Variants in SLFN12L observed in about 807,000 individuals in gnomAD.
SLFN12L encodes the protein schlafen family member 12-like.
A neutral mutation model predicts 34.8 loss-of-function variants in SLFN12L; 34 were observed. The ratio of observed to expected loss-of-function variants is 0.98; its 90% confidence interval spans 0.74 to 1.30. SLFN12L has a LOEUF of 1.30. Among genes scored for constraint, SLFN12L ranks in the 50% most tolerant of loss-of-function variants. The pLI, the probability that SLFN12L is intolerant of heterozygous loss-of-function variation, is 0.00. For synonymous variants in SLFN12L, 259 were observed against 247.5 expected (o/e 1.05, Z -0.44); for missense variants, 703 against 696.2 (o/e 1.01, Z -0.11).
chr17:35,529,968 A>G (rs890881356), intron 1 of SLFN12L, among the ~76,000 whole-genome samples: 3 of 151,938 alleles, frequency 2.0e-5, no homozygotes, highest in Non-Finnish European at 4.4e-5. Context: ...AAGAGATGGA[A>G]GCTCAGAAAC....
chr17:35,487,476 C>CA (rs1220527993), intron 2 of SLFN12L, among the ~76,000 whole-genome samples: 1 of 152,070 alleles, frequency 6.6e-6, no homozygotes, highest in East Asian at 1.9e-4. Flanking sequence ...GGACCACCCC[C>CA]CCCGGACCCC....
At position 35,487,598 on chromosome 17, in the gene SLFN12L, T is replaced by C. The variant is rs554093640; in HGVS notation, c.87-7403A>G. On this transcript the variant is annotated intron_variant, in intron 2 of 4. Coordinates refer to ENST00000628453, the MANE Select transcript of SLFN12L (RefSeq NM_001363830.2). ...CAGGCGCTGTGCCAGCGCGGGCCCT[T>C]AAGCAACTGAAAGTTAAACGCCCAC... 8 of 968,730 alleles carry C rather than the reference T, an allele frequency of 8.3e-6. No homozygotes were observed. In the African/African-American group the frequency reaches 1.2e-4, roughly 14 times the overall value. 60.0% of individuals were successfully genotyped at this position (968,730 alleles called of 1,614,324 possible).
At position 35,487,726 on chromosome 17, in the gene SLFN12L, C is replaced by T. The variant is rs981281869; in HGVS notation, c.87-7531G>A. On this transcript the variant is annotated intron_variant, in intron 2 of 4. Coordinates refer to ENST00000628453, the MANE Select transcript of SLFN12L (RefSeq NM_001363830.2). ...TTATTTAAAGAAAAAGAGAACGAAC[C>T]TGGCGAGGTCCATGTCTGCGCACTC... is the stretch of plus-strand genomic sequence containing the variant. The T allele has an allele frequency of 1.6e-5, 25 of 1,535,824 alleles. No individual in the cohort carries two copies. In the African/African-American group the frequency reaches 3.0e-4, roughly 19 times the overall value.
chr17:35,485,152 T>C (rs1967986171), intron 2 of SLFN12L, among the ~76,000 whole-genome samples: 1 of 152,184 alleles, frequency 6.6e-6, no homozygotes, highest in South Asian at 2.1e-4. Context: ...AATCTTGATC[T>C]TTTCAAAAAA....
intron 2 of SLFN12L, among the ~76,000 whole-genome samples, chr17:35,484,646 A>C (rs1914503283): frequency 6.6e-6 from 1 of 152,180 alleles, no homozygotes; most frequent in African/African-American, 2.4e-5. Flanking sequence ...GGGTTGTCCT[A>C]GGACCTCATG....
intron 2 of SLFN12L, among the ~76,000 whole-genome samples, chr17:35,515,676 C>G (rs979751462): frequency 5.0e-4 from 45 of 90,754 alleles, no homozygotes; most frequent in Non-Finnish European, 8.4e-4. Flanking sequence ...GAGTTTTGCT[C>G]TTTGTTGCCC....
At chr17:35,525,728 A>C (rs891095387) in intron 1 of SLFN12L, among the ~76,000 whole-genome samples, 2 of 152,214 alleles carry the variant, frequency 1.3e-5, no homozygotes, top group South Asian at 4.1e-4. Flanking sequence ...CATGGAAAGG[A>C]ACAACTGGTA....
chr17:35,508,956 G>T (rs1915553078), intron 2 of SLFN12L, among the ~76,000 whole-genome samples: 1 of 152,106 alleles, frequency 6.6e-6, no homozygotes, highest in African/African-American at 2.4e-5. Flanking sequence ...TAAGACTCTG[G>T]CCACTACTGA....
At chr17:35,507,112 G>A (rs371583462) in intron 2 of SLFN12L, among the ~76,000 whole-genome samples, 9 of 152,214 alleles carry the variant, frequency 5.9e-5, no homozygotes, top group East Asian at 1.9e-4. Context: ...CAAATTACCC[G>A]GCCAGTGGGC....
At chr17:35,496,549 C>G (rs1299084821) in intron 2 of SLFN12L, among the ~76,000 whole-genome samples, 3 of 151,374 alleles carry the variant, frequency 2.0e-5, no homozygotes, top group Non-Finnish European at 4.4e-5. Context: ...CCCTTCCCTC[C>G]CCTCCCCTCA....
Position 35,475,309 on chromosome 17 carries a change from A to G in SLFN12L, c.1453T>C (p.Cys485Arg). The G allele has an allele frequency of 6.2e-7, 1 of 1,614,234 alleles. No individual in the cohort carries two copies. The highest frequency in any genetic ancestry group is 8.5e-7 in the Non-Finnish European group (1 of 1,180,042). Residue 485 changes from cysteine to arginine, a missense_variant, in exon 5 of 5, where the codon TGT becomes CGT. By Grantham distance (180) the Cys-to-Arg change is radical. Coordinates refer to ENST00000628453, the MANE Select transcript of SLFN12L (RefSeq NM_001363830.2). ...TCCTGGGAAATCAGAAGAGCATCAC[A>G]GAGGACTTTGTGGTTCTCTTGCAAG... ...LGLQENHKVLCDALLISQDKP... is the reference protein window; with the variant it reads ...LGLQENHKVLRDALLISQDKP...
chr17:35,487,200 C>T (rs1914614304), intron 2 of SLFN12L, among the ~76,000 whole-genome samples: 1 of 152,290 alleles, frequency 6.6e-6, no homozygotes, highest in African/African-American at 2.4e-5. Context: ...TTCTCCAGCT[C>T]TGCACCAACA....
chr17:35,517,584 T>C (rs1441430526), intron 2 of SLFN12L, among the ~76,000 whole-genome samples: 3 of 152,314 alleles, frequency 2.0e-5, no homozygotes, highest in Non-Finnish European at 2.9e-5. Context: ...AGAGCCCATA[T>C]AGCCAAGACA....
rs535590143 is a variant in SLFN12L, at chr17:35,478,503, G to A, written c.1166-318C>T. 136 of 196,284 alleles carry A rather than the reference G, an allele frequency of 6.9e-4. 1 individual carries two copies. The highest frequency in any genetic ancestry group is 3.1e-3 in the African/African-American group (130 of 42,018). 12.2% of individuals were successfully genotyped at this position (196,284 alleles called of 1,614,324 possible). ...AAGTTAAAATTAGAAGAATGTGATG[G>A]CTAGTGAAGGAAAACTGGGTTTTAT... On this transcript the variant is annotated intron_variant, in intron 3 of 4. Coordinates refer to ENST00000628453, the MANE Select transcript of SLFN12L (RefSeq NM_001363830.2).
At chr17:35,518,680 T>C (rs567404627) in intron 2 of SLFN12L, among the ~76,000 whole-genome samples, 1 of 152,216 alleles carries the variant, frequency 6.6e-6, no homozygotes, top group South Asian at 2.1e-4. Flanking sequence ...ATGACGATTA[T>C]TAAAAAGTCA....
intron 2 of SLFN12L, among the ~76,000 whole-genome samples, chr17:35,519,596 T>C (rs1915939043): frequency 6.6e-6 from 1 of 152,196 alleles, no homozygotes; most frequent in South Asian, 2.1e-4. Context: ...GAAGTGGCAC[T>C]TCAATCCCCA....
chr17:35,494,888 A>T (rs8081288), intron 2 of SLFN12L, among the ~76,000 whole-genome samples: 2,835 of 134,740 alleles, frequency 0.021, 79 homozygotes, highest in African/African-American at 0.078. Flanking sequence ...TAATTTATTT[A>T]TTTTATTTAT....
chr17:35,490,058 C>T (rs1914769636), intron 2 of SLFN12L: 2 of 1,605,992 alleles, frequency 1.2e-6, no homozygotes, highest in African/African-American at 2.7e-5. Context: ...CCTCTCCCTC[C>T]AAAGCGGCGC....
intron 4 of SLFN12L, among the ~76,000 whole-genome samples, chr17:35,477,148 A>G (rs1914069318): frequency 6.6e-6 from 1 of 152,198 alleles, no homozygotes. Context: ...GGTCAGTTGT[A>G]TGCAGTAATA....
Sources: allele counts gnomAD v4.1 joint callset (sites outside exome capture counted in the v4.1 genomes callset), GRCh38; gene constraint gnomAD v4.1.1; transcripts MANE v1.5; gene names NCBI Gene and HGNC (gene_info 2026-07-23, HGNC 2026-07-21).